Variants in ZNF157 observed in about 807,000 individuals in gnomAD.
The protein encoded by ZNF157 is zinc finger protein 157, also known as zinc finger protein 22.
In ZNF157, 8 loss-of-function variants were observed where a neutral mutation model predicts 9.4. That is an observed-to-expected ratio of 0.85 (90% CI 0.50 to 1.53). The LOEUF is 1.53. ZNF157 is among the 40% of genes most tolerant of loss of function. The probability of loss-of-function intolerance (pLI) is 0.00; values close to 1 mark genes in which losing one functional copy is unlikely to be tolerated. For missense variants in ZNF157, 316 were observed against 385.2 expected (o/e 0.82, Z 1.50); for synonymous variants, 120 against 130.8 (o/e 0.92, Z 0.56).
chrX:47,375,728 C>G (rs1215064985), intron 1 of ZNF157, among the ~76,000 whole-genome samples: 1 of 106,942 alleles, frequency 9.4e-6, no homozygotes, highest in Non-Finnish European at 1.9e-5. Flanking sequence ...GTGCCTCACT[C>G]TGTTGCCCAG....
chrX:47,400,696 A>G (rs2055928040), intron 1 of ZNF157, among the ~76,000 whole-genome samples: 1 of 111,724 alleles, frequency 9.0e-6, no homozygotes, highest in South Asian at 3.7e-4. Context: ...TTGCTCTGTA[A>G]CCAAGGTGGA....
At chrX:47,392,046 T>G (rs2147407090) in intron 1 of ZNF157, among the ~76,000 whole-genome samples, 1 of 109,754 alleles carries the variant, frequency 9.1e-6, no homozygotes, top group East Asian at 2.9e-4. Context: ...CCCGCCACCA[T>G]GCCCGGCTAA....
intron 1 of ZNF157, chrX:47,390,866 C>G (rs888661684): frequency 8.9e-6 from 1 of 112,219 alleles, no homozygotes; most frequent in African/African-American, 3.2e-5. Context: ...ATGCAGTTGT[C>G]TGTTTCATAT....
At chrX:47,408,788 T>A (rs964468498) in intron 1 of ZNF157, among the ~76,000 whole-genome samples, 2 of 111,061 alleles carry the variant, frequency 1.8e-5, no homozygotes, top group African/African-American at 6.5e-5. Flanking sequence ...AACAACCAGA[T>A]CTCATGAGAA....
intron 1 of ZNF157, 47 bp from the exon 2 acceptor site, chrX:47,410,229 A>G (rs767102462): frequency 8.3e-7 from 1 of 1,209,334 alleles, no homozygotes; most frequent in East Asian, 3.0e-5. Context: ...GTTCCTGCAC[A>G]TCTTTTTCAT....
intron 1 of ZNF157, chrX:47,392,097 G>A (rs762848545): frequency 9.1e-6 from 1 of 109,879 alleles, no homozygotes; most frequent in South Asian, 3.9e-4. Context: ...CACCGTGTTA[G>A]CCAGGATGGT....
intron 1 of ZNF157, among the ~76,000 whole-genome samples, chrX:47,385,623 A>C (rs1278142532): frequency 6.5e-5 from 7 of 108,106 alleles, no homozygotes; most frequent in Non-Finnish European, 1.1e-4. Context: ...GCTGGACTGC[A>C]GTGGCACGAT....
At chrX:47,388,592 C>T (rs1602764353) in intron 1 of ZNF157, 1 of 117,822 alleles carries the variant, frequency 8.5e-6, no homozygotes, top group South Asian at 3.2e-4. Context: ...GGTGGGATTA[C>T]AGGTGTGAGC....
chrX:47,401,661 T>C, intron 1 of ZNF157, among the ~76,000 whole-genome samples: 1 of 111,935 alleles, frequency 8.9e-6, no homozygotes, highest in East Asian at 2.8e-4. Context: ...AGTGGGCCTT[T>C]GGATTTTTGT....
chrX:47,382,119 T>G (rs1265374920), intron 1 of ZNF157, among the ~76,000 whole-genome samples: 4 of 109,230 alleles, frequency 3.7e-5, no homozygotes, highest in Non-Finnish European at 7.6e-5. Context: ...TGAGAGGGGA[T>G]AGAATAGTCT....
At chrX:47,393,150 C>A (rs1281062927) in intron 1 of ZNF157, among the ~76,000 whole-genome samples, 9 of 15,471 alleles carry the variant, frequency 5.8e-4, no homozygotes, top group Non-Finnish European at 1.4e-3. Flanking sequence ...GTGAGACTGT[C>A]TCAAAAAAAA....
In ZNF157 at chrX:47,412,387, G is replaced by C. The variant is rs780083983; in HGVS notation, c.314G>C (p.Cys105Ser). ...TTTAAAGGATCTCTCTCACTGCTGT[G>C]TGGCAATGGTTCTGTTGGGGATAAT... ...HGYSGSLSLL[C>S]GNGSVGDNAL... The change falls in exon 4 of 4, where the codon TGT becomes TCT. Residue 105 changes from cysteine (C) to serine (S), a missense_variant. Transcript: ENST00000377073. 8.6e-5 allele frequency: 103 copies of C among 1,198,020 alleles called. No individual in the cohort carries two copies. The Admixed American group carries it at 2.2e-3, about 26-fold the overall frequency.
chrX:47,391,408 T>A (rs1373540633), intron 1 of ZNF157: 1 of 112,202 alleles, frequency 8.9e-6, no homozygotes, highest in East Asian at 2.8e-4. Flanking sequence ...TTTGGAACGT[T>A]TGAGTTATAT....
intron 1 of ZNF157, among the ~76,000 whole-genome samples, chrX:47,386,850 G>A (rs190050315): frequency 1.5e-4 from 17 of 111,736 alleles, no homozygotes; most frequent in Non-Finnish European, 1.9e-4. Flanking sequence ...AAATAAATAC[G>A]TATTAGAATA....
intron 1 of ZNF157, chrX:47,390,269 T>C (rs766905734): frequency 8.9e-6 from 1 of 112,090 alleles, no homozygotes. Flanking sequence ...ACCTTGGATA[T>C]AGTCAGTCTT....
At chrX:47,403,714 TC>T (rs1452623528) in intron 1 of ZNF157, among the ~76,000 whole-genome samples, 1 of 111,519 alleles carries the variant, frequency 9.0e-6, no homozygotes, top group Non-Finnish European at 1.9e-5. Flanking sequence ...GAGAAAAAAA[TC>T]AATGGGTGCC....
At chrX:47,411,432 T>TA (rs34223406) in intron 3 of ZNF157, among the ~76,000 whole-genome samples, 25,850 of 110,240 alleles carry the variant, frequency 0.23, 2,794 homozygotes, top group South Asian at 0.41. Flanking sequence ...AACCTCAACT[T>TA]AAAACCTCAC....
intron 1 of ZNF157, 130 bp from the exon 2 acceptor site, chrX:47,410,146 G>A: frequency 1.1e-6 from 1 of 939,613 alleles, no homozygotes; most frequent in Non-Finnish European, 1.5e-6. Context: ...AGTATATCAA[G>A]CGAGACACAA....
At chrX:47,373,128 G>A (rs1487889794) in intron 1 of ZNF157, among the ~76,000 whole-genome samples, 1 of 110,202 alleles carries the variant, frequency 9.1e-6, no homozygotes, top group African/African-American at 3.3e-5. Flanking sequence ...GAACCTGTGA[G>A]GCGGAGGTTG....
Sources: gnomAD v4.1 joint callset for allele counts (sites outside exome capture counted in the v4.1 genomes callset) on GRCh38, gnomAD v4.1.1 for gene constraint, MANE v1.5 for transcripts, NCBI Gene and HGNC (gene_info 2026-07-23, HGNC 2026-07-21) for gene names.